Variants in SRGAP2 observed in about 807,000 individuals in gnomAD.
SRGAP2 encodes the protein SLIT-ROBO Rho GTPase-activating protein 2.
Under a neutral mutation model 57.2 loss-of-function variants are expected in SRGAP2, and 15 were observed. That is an observed-to-expected ratio of 0.26 (90% CI 0.18 to 0.40). The LOEUF (loss-of-function observed/expected upper bound fraction) is 0.40, where lower values mean the gene tolerates loss of function less well. Ranked by LOEUF, SRGAP2 falls within the 10% of genes least tolerant of loss-of-function variation. The probability of loss-of-function intolerance (pLI) is 1.00; values close to 1 mark genes in which losing one functional copy is unlikely to be tolerated. For synonymous variants in SRGAP2, 249 were observed against 248.0 expected (o/e 1.00, Z -0.04); for missense variants, 520 against 669.6 (o/e 0.78, Z 2.47).
At chr1:206,217,759 CTT>C (rs1307228725) in intron 2 of SRGAP2, among the ~76,000 whole-genome samples, 7 of 140,382 alleles carry the variant, frequency 5.0e-5, no homozygotes. Flanking sequence ...CCCAAGCTGA[CTT>C]AACACTGGTG....
At chr1:206,429,520 C>A (rs782555076) in intron 13 of SRGAP2, among the ~76,000 whole-genome samples, 14 of 152,130 alleles carry the variant, frequency 9.2e-5, no homozygotes, top group Admixed American at 5.9e-4. Context: ...GGAGAACATA[C>A]CCCCAGCAGG....
At chr1:206,376,144 G>C (rs1176777055) in intron 4 of SRGAP2, among the ~76,000 whole-genome samples, 1 of 151,282 alleles carries the variant, frequency 6.6e-6, no homozygotes, top group East Asian at 1.9e-4. Context: ...GAAGGTAATT[G>C]TATCCTCCTT....
intron 22 of SRGAP2, among the ~76,000 whole-genome samples, chr1:206,459,738 C>G (rs1438756366): frequency 2.0e-5 from 3 of 152,198 alleles, no homozygotes; most frequent in Non-Finnish European, 1.5e-5. Flanking sequence ...ATTCTCCTTA[C>G]CCCATCTTCC....
At chr1:206,373,088 C>T (rs1654854888) in intron 4 of SRGAP2, among the ~76,000 whole-genome samples, 1 of 126,386 alleles carries the variant, frequency 7.9e-6, no homozygotes, top group East Asian at 2.2e-4. Context: ...TTCTTTCTGT[C>T]CTTTTTTTTT....
chr1:206,421,699 C>T (rs561130749), intron 13 of SRGAP2, among the ~76,000 whole-genome samples: 2 of 152,252 alleles, frequency 1.3e-5, no homozygotes, highest in African/African-American at 2.4e-5. Context: ...TTTCCGGTGG[C>T]GTAGTCATTC....
chr1:206,357,580 G>GTTT (rs1676536308), intron 4 of SRGAP2, among the ~76,000 whole-genome samples: 1 of 110,584 alleles, frequency 9.0e-6, no homozygotes. Context: ...TGGCTATGTT[G>GTTT]TCTTTTTTTT....
intron 7 of SRGAP2, among the ~76,000 whole-genome samples, chr1:206,398,975 G>A (rs1222475337): frequency 2.0e-5 from 3 of 152,068 alleles, no homozygotes; most frequent in East Asian, 3.9e-4. Context: ...AGCTATATTA[G>A]TATTTTTTTA....
At chr1:206,373,028 TTCTTTCTCTCTCTCTC>T (rs1336732285) in intron 4 of SRGAP2, among the ~76,000 whole-genome samples, 3 of 132,132 alleles carry the variant, frequency 2.3e-5, no homozygotes, top group East Asian at 2.2e-4. Context: ...TTTCTTTCTT[TTCTTTCTCTCTCTCTC>T]TCTTTCTCTC....
intron 2 of SRGAP2, among the ~76,000 whole-genome samples, chr1:206,237,229 T>G (rs1667963959): frequency 6.6e-6 from 1 of 151,940 alleles, no homozygotes; most frequent in Non-Finnish European, 1.5e-5. Context: ...ACCACTGCAC[T>G]CCAGTCTGGG....
chr1:206,292,180 A>G, intron 2 of SRGAP2, among the ~76,000 whole-genome samples: 1 of 152,184 alleles, frequency 6.6e-6, no homozygotes. Flanking sequence ...TGCATCTCTG[A>G]ACAGTCCACT....
chr1:206,307,515 C>T (rs1465525159), intron 3 of SRGAP2, among the ~76,000 whole-genome samples: 1 of 152,050 alleles, frequency 6.6e-6, no homozygotes, highest in African/African-American at 2.4e-5. Flanking sequence ...TGGTGCTCGT[C>T]GGGGAGGCTC....
At chr1:206,256,344 A>T (rs1669182549) in intron 2 of SRGAP2, among the ~76,000 whole-genome samples, 2 of 152,214 alleles carry the variant, frequency 1.3e-5, no homozygotes, top group Admixed American at 6.5e-5. Context: ...GACTCTGTTC[A>T]CATACCCATC....
chr1:206,354,391 A>C (rs1322798595), intron 4 of SRGAP2, among the ~76,000 whole-genome samples: 1 of 152,144 alleles, frequency 6.6e-6, no homozygotes, highest in Admixed American at 6.5e-5. Context: ...TGTATACTTA[A>C]GGCATGGCCT....
rs1664442652 is a variant in SRGAP2, at chr1:206,464,382, G to A, written c.*2962G>A. 6.6e-6 allele frequency: 1 copy of A among 152,640 alleles called. No individual in the cohort carries two copies. The highest frequency in any genetic ancestry group is 1.5e-5 in the Non-Finnish European group (1 of 68,038). The allele number at this position is 152,640 out of a possible 1,614,324, so 9.5% of individuals were successfully genotyped here. A position where few individuals can be genotyped will look rare whatever the true frequency, so the allele number is the denominator to read the frequency against. On this transcript the variant is annotated 3_prime_UTR_variant, in exon 23 of 23. Transcript: ENST00000573034. ...TAAGACTGTCACTCAACAGATGTTG[G>A]ATTGGGGAAAATCCAAAGCACAACT...
intron 3 of SRGAP2, among the ~76,000 whole-genome samples, chr1:206,318,694 C>A: frequency 6.6e-6 from 1 of 152,108 alleles, no homozygotes; most frequent in Admixed American, 6.5e-5. Flanking sequence ...GCAGAAGGCA[C>A]CGGGGAGCCA....
chr1:206,447,362 C>G (rs1325305974), intron 18 of SRGAP2, among the ~76,000 whole-genome samples: 1 of 152,082 alleles, frequency 6.6e-6, no homozygotes, highest in Non-Finnish European at 1.5e-5. Flanking sequence ...GCCAATTGGT[C>G]CACGCTTCTC....
At chr1:206,239,812 G>A (rs1668100167) in intron 2 of SRGAP2, among the ~76,000 whole-genome samples, 1 of 151,604 alleles carries the variant, frequency 6.6e-6, no homozygotes, top group Non-Finnish European at 1.5e-5. Flanking sequence ...ATGCTGCTGT[G>A]TGGCCAGTTT....
rs1385982978 is a variant in SRGAP2, at chr1:206,220,930, C to A, written c.67+14893C>A. Among the ~76,000 whole-genome samples the A allele has an allele frequency of 1.8e-4, 26 of 147,430 alleles. No homozygotes were observed. In the East Asian group the frequency reaches 3.2e-3, roughly 18 times the overall value. On this transcript the variant is annotated intron_variant, in intron 2 of 22. Coordinates refer to ENST00000573034, the MANE Select transcript of SRGAP2 (RefSeq NM_015326.5). Reference sequence around the variant, plus strand: ...CAACCTGGCAGCCATTTATTTAGCACCTACTGTATGTTGTCTTTTTTTTTT... The same window carrying A: ...CAACCTGGCAGCCATTTATTTAGCAACTACTGTATGTTGTCTTTTTTTTTT...
chr1:206,209,874 G>T (rs1461268852), intron 2 of SRGAP2, among the ~76,000 whole-genome samples: 1 of 96,184 alleles, frequency 1.0e-5, no homozygotes, highest in Non-Finnish European at 1.9e-5. Flanking sequence ...CAGTGTAAAT[G>T]CTATGTAAAT....
Sources: gnomAD v4.1 joint callset for allele counts (sites outside exome capture counted in the v4.1 genomes callset) on GRCh38, gnomAD v4.1.1 for gene constraint, MANE v1.5 for transcripts, NCBI Gene and HGNC (gene_info 2026-07-23, HGNC 2026-07-21) for gene names.